TTC7B: variants seen among roughly 807,000 people sequenced by gnomAD.
TTC7B encodes tetratricopeptide repeat domain 7B.
TTC7B carries 28 observed loss-of-function variants against 106.8 expected under a neutral mutation model. The ratio of observed to expected loss-of-function variants is 0.26; its 90% CI spans 0.19 to 0.36. TTC7B has a LOEUF of 0.36. Among genes scored for constraint, TTC7B ranks in the 10% least tolerant of loss-of-function variants. The pLI is 1.00. For missense variants in TTC7B, 862 were observed against 1,076.4 expected (o/e 0.80, Z 2.79); for synonymous variants, 405 against 430.6 (o/e 0.94, Z 0.74).
intron 19 of TTC7B, among the ~76,000 whole-genome samples, chr14:90,558,800 C>T (rs1890442825): frequency 6.6e-6 from 1 of 152,184 alleles, no homozygotes; most frequent in South Asian, 2.1e-4. Flanking sequence ...GGCGGCTTGC[C>T]AGAAATGGGG....
chr14:90,773,349 G>A (rs949824889), intron 3 of TTC7B, among the ~76,000 whole-genome samples: 13 of 152,086 alleles, frequency 8.5e-5, no homozygotes, highest in East Asian at 1.9e-4. Flanking sequence ...CACCAGAATC[G>A]CATCAACCAT....
chr14:90,750,444 G>C (rs1890101859), intron 3 of TTC7B, among the ~76,000 whole-genome samples: 1 of 152,288 alleles, frequency 6.6e-6, no homozygotes, highest in Middle Eastern at 3.4e-3. Context: ...CCAAGCCAGT[G>C]AATCAAAGAA....
chr14:90,579,462 C>A (rs554807884), intron 18 of TTC7B, among the ~76,000 whole-genome samples: 2 of 152,286 alleles, frequency 1.3e-5, no homozygotes, highest in African/African-American at 4.8e-5. Context: ...ATATGATCCA[C>A]AACAGCACAC....
intron 19 of TTC7B, among the ~76,000 whole-genome samples, chr14:90,564,256 G>A (rs1490476973): frequency 6.6e-6 from 1 of 152,120 alleles, no homozygotes; most frequent in Admixed American, 6.6e-5. Context: ...GGGTAACCAA[G>A]TACATTGTCA....
intron 4 of TTC7B, among the ~76,000 whole-genome samples, chr14:90,734,298 T>G (rs1889434636): frequency 6.6e-6 from 1 of 151,828 alleles, no homozygotes. Flanking sequence ...CACGTGCCTG[T>G]AGACCCAGCT....
chr14:90,598,167 G>T (rs1892288027), intron 17 of TTC7B, among the ~76,000 whole-genome samples: 1 of 152,196 alleles, frequency 6.6e-6, no homozygotes, highest in African/African-American at 2.4e-5. Context: ...GGACACAGGG[G>T]CTCTGAAAAG....
At chr14:90,654,208 G>A (rs953832395) in intron 12 of TTC7B, among the ~76,000 whole-genome samples, 1 of 152,146 alleles carries the variant, frequency 6.6e-6, no homozygotes, top group Non-Finnish European at 1.5e-5. Context: ...GGCTCCCCAG[G>A]GGGCTGGCAA....
chr14:90,755,019 C>T (rs144614572), intron 3 of TTC7B, among the ~76,000 whole-genome samples: 112 of 152,224 alleles, frequency 7.4e-4, no homozygotes, highest in African/African-American at 2.5e-3. Flanking sequence ...CACAACCATG[C>T]CCTCTGTCTA....
At chr14:90,771,250 T>C (rs765726290) in intron 3 of TTC7B, among the ~76,000 whole-genome samples, 1 of 152,158 alleles carries the variant, frequency 6.6e-6, no homozygotes, top group Non-Finnish European at 1.5e-5. Flanking sequence ...ATAGAGTATA[T>C]TTATAATATA....
chr14:90,780,620 C>T (rs1891186470), intron 3 of TTC7B, 118 bp downstream of exon 3: 1 of 1,256,392 alleles, frequency 8.0e-7, no homozygotes, highest in Non-Finnish European at 1.1e-6. Context: ...CCCCAGCAGC[C>T]TTGCTGGGAA....
rs1890343834 is a variant in TTC7B, at chr14:90,757,547, G to A, written c.446-12625C>T. Among the ~76,000 whole-genome samples, 1 of 152,326 alleles carries A rather than the reference G, an allele frequency of 6.6e-6. No individual in the cohort carries two copies. The highest frequency in any genetic ancestry group is 2.1e-4 in the South Asian group (1 of 4,824). Reference sequence around the variant, plus strand: ...TTGCAAATGAGGAGATTCAAGCTCAGAGATGATTTGCCCAAGGTCACATGG... The same window carrying A: ...TTGCAAATGAGGAGATTCAAGCTCAAAGATGATTTGCCCAAGGTCACATGG... On this transcript the variant is annotated intron_variant, in intron 3 of 19. Coordinates refer to ENST00000328459, the MANE Select transcript of TTC7B (RefSeq NM_001010854.2). This position sits in a 1 kb window ranked among gnomAD's most constrained non-coding sequence, Gnocchi z 4.1.
chr14:90,582,646 G>C (rs1891546982), intron 18 of TTC7B, among the ~76,000 whole-genome samples: 1 of 152,236 alleles, frequency 6.6e-6, no homozygotes, highest in African/African-American at 2.4e-5. Flanking sequence ...GGAGACCGCA[G>C]GGTGAGGAAG....
Position 90,578,675 on chromosome 14 carries a change from A to G in TTC7B, c.2108-367T>C, listed in dbSNP as rs1289736295. Among the ~76,000 whole-genome samples, 1 of 151,878 alleles carries G rather than the reference A, an allele frequency of 6.6e-6. No individual in the cohort carries two copies. The highest frequency in any genetic ancestry group is 1.5e-5 in the Non-Finnish European group (1 of 67,984). On this transcript the variant is annotated intron_variant, in intron 18 of 19. Transcript: ENST00000328459. This position sits in a 1 kb window ranked among gnomAD's most constrained non-coding sequence, Gnocchi z 4.7. ...AACCCTTGGCTCTGACCCCCATAGA[A>G]AAAGGGCCAGAATGAACAAGGGCAC...
At chr14:90,715,777 C>T (rs1888632312) in intron 5 of TTC7B, among the ~76,000 whole-genome samples, 1 of 152,130 alleles carries the variant, frequency 6.6e-6, no homozygotes, top group Non-Finnish European at 1.5e-5. Flanking sequence ...ACCATGACCA[C>T]CACCCCACCC....
At chr14:90,693,670 A>G (rs537712863) in intron 6 of TTC7B, among the ~76,000 whole-genome samples, 1 of 152,216 alleles carries the variant, frequency 6.6e-6, no homozygotes. Context: ...GAATATCACC[A>G]CACTCCCACC....
At chr14:90,612,114 A>G (rs747356724) in intron 16 of TTC7B, among the ~76,000 whole-genome samples, 4 of 152,184 alleles carry the variant, frequency 2.6e-5, no homozygotes, top group Non-Finnish European at 4.4e-5. Flanking sequence ...CTCTAACTAC[A>G]TTAGAGAAAT....
At chr14:90,601,361 A>G (rs150436700) in intron 17 of TTC7B, among the ~76,000 whole-genome samples, 1 of 152,278 alleles carries the variant, frequency 6.6e-6, no homozygotes, top group African/African-American at 2.4e-5. Context: ...GTGTTAGAAA[A>G]TGCAGCTCAA....
At chr14:90,729,033 C>T (rs1364309921) in intron 5 of TTC7B, among the ~76,000 whole-genome samples, 1 of 152,220 alleles carries the variant, frequency 6.6e-6, no homozygotes, top group Non-Finnish European at 1.5e-5. Flanking sequence ...CATCTTTGTG[C>T]CAAGGCCATT....
At chr14:90,561,765 C>A (rs1340583378) in intron 19 of TTC7B, among the ~76,000 whole-genome samples, 1 of 152,194 alleles carries the variant, frequency 6.6e-6, no homozygotes, top group Non-Finnish European at 1.5e-5. Flanking sequence ...TGGTGGACAT[C>A]ATATAAACCA....
Sources: gnomAD v4.1 joint callset for allele counts (sites outside exome capture counted in the v4.1 genomes callset) on GRCh38, gnomAD v4.1.1 for gene constraint, Gnocchi (gnomAD v3.1) non-coding constraint, MANE v1.5 for transcripts, NCBI Gene and HGNC (gene_info 2026-07-23, HGNC 2026-07-21) for gene names.